Variants in GAB1 observed in about 807,000 individuals in gnomAD.
The protein encoded by GAB1 is GRB2 associated binding protein 1, also known as GRB2-associated-binding protein 1.
GAB1 carries 19 observed loss-of-function variants against 66.5 expected under a neutral mutation model. The ratio of observed to expected loss-of-function variants is 0.29; its 90% CI spans 0.20 to 0.42. The LOEUF (loss-of-function observed/expected upper bound fraction) is 0.42, where lower values mean the gene tolerates loss of function less well. GAB1 is among the 10% of genes least tolerant of loss of function. GAB1 has a pLI of 1.00. For missense variants in GAB1, 732 were observed against 858.5 expected (o/e 0.85, Z 1.84); for synonymous variants, 294 against 301.4 (o/e 0.98, Z 0.25).
intron 6 of GAB1, among the ~76,000 whole-genome samples, chr4:143,445,313 G>GTA (rs758718284): frequency 6.2e-4 from 95 of 152,210 alleles, no homozygotes; most frequent in Admixed American, 1.3e-3. Context: ...ATATCTCATT[G>GTA]TAGTTTTGAT....
chr4:143,458,172 TA>T, intron 6 of GAB1, among the ~76,000 whole-genome samples: 1 of 152,168 alleles, frequency 6.6e-6, no homozygotes, highest in South Asian at 2.1e-4. Context: ...AACTGACAGC[TA>T]AACTGCTATT....
chr4:143,456,081 AATC>A (rs1735169613), intron 6 of GAB1, among the ~76,000 whole-genome samples: 1 of 152,202 alleles, frequency 6.6e-6, no homozygotes, highest in African/African-American at 2.4e-5. Flanking sequence ...ACTCCAAAAT[AATC>A]ATATTATTTT....
chr4:143,464,901 A>G (rs546097283), intron 8 of GAB1, among the ~76,000 whole-genome samples: 2 of 152,380 alleles, frequency 1.3e-5, no homozygotes, highest in Non-Finnish European at 2.9e-5. Flanking sequence ...CAATATAAAA[A>G]GAATCAACAG....
intron 1 of GAB1, among the ~76,000 whole-genome samples, chr4:143,407,057 A>G (rs1193649803): frequency 2.0e-5 from 3 of 152,176 alleles, no homozygotes; most frequent in South Asian, 2.1e-4. Context: ...CTGTAGTAAG[A>G]TGTATTAAAG....
intron 1 of GAB1, among the ~76,000 whole-genome samples, chr4:143,370,002 C>G (rs1183224646): frequency 2.0e-5 from 3 of 152,240 alleles, no homozygotes; most frequent in African/African-American, 7.2e-5. Context: ...TGTGCTCCCT[C>G]TTTGTCCTTG....
At chr4:143,394,795 T>C (rs1404119455) in intron 1 of GAB1, 1 of 152,192 alleles carries the variant, frequency 6.6e-6, no homozygotes, top group Non-Finnish European at 1.5e-5. Flanking sequence ...TCATTCTCTC[T>C]TTTTCCTTCT....
intron 1 of GAB1, among the ~76,000 whole-genome samples, chr4:143,348,144 T>C (rs1205638691): frequency 2.0e-5 from 3 of 151,884 alleles, no homozygotes; most frequent in Non-Finnish European, 4.4e-5. Context: ...ATAAGAACTC[T>C]TACTAACTTA....
intron 1 of GAB1, among the ~76,000 whole-genome samples, chr4:143,348,977 C>A (rs569129476): frequency 6.6e-6 from 1 of 152,336 alleles, no homozygotes; most frequent in African/African-American, 2.4e-5. Flanking sequence ...CCACCACTGC[C>A]ACATGTACAC....
At chr4:143,402,685 C>G (rs1731840414) in intron 1 of GAB1, among the ~76,000 whole-genome samples, 1 of 152,166 alleles carries the variant, frequency 6.6e-6, no homozygotes, top group Middle Eastern at 3.2e-3. Context: ...TTCCTGTTCA[C>G]CTTTCCCTGT....
In GAB1 at chr4:143,471,707, A is replaced by G. The variant is rs1156468550; in HGVS notation, c.*2518A>G. ...TAAGCAAAAATAATAGGTTTTAAAC[A>G]TACATCTCAGGAAATTCTTTAATTA... On this transcript the variant is annotated 3_prime_UTR_variant, in exon 10 of 10. Transcript: ENST00000262994. The G allele has an allele frequency of 6.6e-6, 1 of 152,232 alleles. No individual in the cohort carries two copies. The highest frequency in any genetic ancestry group is 1.5e-5 in the Non-Finnish European group (1 of 68,034). The allele number at this position is 152,232 out of a possible 1,614,324, so 9.4% of individuals were successfully genotyped here.
chr4:143,361,872 A>T (rs142219441), intron 1 of GAB1, among the ~76,000 whole-genome samples: 203 of 152,136 alleles, frequency 1.3e-3, no homozygotes, highest in African/African-American at 4.8e-3. Context: ...GTGGTTGAAA[A>T]AGCAGTTACT....
At chr4:143,448,408 A>C (rs1734691380) in intron 6 of GAB1, among the ~76,000 whole-genome samples, 1 of 151,830 alleles carries the variant, frequency 6.6e-6, no homozygotes, top group Non-Finnish European at 1.5e-5. Flanking sequence ...TCAGCTGTGA[A>C]TCCATCTGGT....
Position 143,434,235 on chromosome 4 carries a change from C to T in GAB1, c.593+519C>T, listed in dbSNP as rs115212164. 710 of 676,352 alleles carry T rather than the reference C, an allele frequency of 1.0e-3. 1 individual carries two copies. Among genetic ancestry groups the T allele is most frequent in the South Asian group, 2.1e-3 (115 of 55,850 alleles). The allele number at this position is 676,352 out of a possible 1,614,324, so 41.9% of individuals were successfully genotyped here. A position where few individuals can be genotyped will look rare whatever the true frequency, so the allele number is the denominator to read the frequency against. On this transcript the variant is annotated intron_variant, in intron 3 of 9. Transcript: ENST00000262994. ...ATCATAAGGTAAAATCCCAATATAG[C>T]AAATTCCATGGAATATACAAATTGG...
chr4:143,449,412 T>C lies in GAB1; in HGVS notation c.1585+9030T>C, dbSNP rs546814966. 2.8e-3 allele frequency among the ~76,000 whole-genome samples: 427 copies of C among 151,972 alleles called. 3 individuals are homozygous for C. In the Middle Eastern group the frequency reaches 0.031, roughly 11 times the overall value. ...GAGTGTTAAAGTCTCCCATTATTAT[T>C]GTGTGGGAGTCTAAGTCTCTTTGTA... On this transcript the variant is annotated intron_variant, in intron 6 of 9. Transcript: ENST00000262994.
chr4:143,371,244 A>T (rs1422493189), intron 1 of GAB1, among the ~76,000 whole-genome samples: 1 of 152,046 alleles, frequency 6.6e-6, no homozygotes, highest in East Asian at 1.9e-4. Flanking sequence ...CGCCATTCTA[A>T]CTGGTGTGAG....
chr4:143,449,610 A>G (rs1734789249), intron 6 of GAB1, among the ~76,000 whole-genome samples: 1 of 152,168 alleles, frequency 6.6e-6, no homozygotes, highest in Non-Finnish European at 1.5e-5. Context: ...CTAGGATTGC[A>G]ACCCCTGCCT....
At chr4:143,340,981 C>T (rs914524114) in intron 1 of GAB1, among the ~76,000 whole-genome samples, 5 of 152,114 alleles carry the variant, frequency 3.3e-5, no homozygotes, top group Non-Finnish European at 7.4e-5. Flanking sequence ...GAATGACACA[C>T]AAAAAAATGA....
chr4:143,405,917 C>T (rs1732019036), intron 1 of GAB1, among the ~76,000 whole-genome samples: 1 of 151,852 alleles, frequency 6.6e-6, no homozygotes, highest in South Asian at 2.1e-4. Context: ...GCCATGATCT[C>T]TCAGTATTTT....
intron 1 of GAB1, among the ~76,000 whole-genome samples, chr4:143,390,306 C>T (rs1731120690): frequency 6.6e-6 from 1 of 151,770 alleles, no homozygotes; most frequent in South Asian, 2.1e-4. Flanking sequence ...TAATTTATAT[C>T]CCTTAATTTT....
Sources: gnomAD v4.1 joint callset for allele counts (sites outside exome capture counted in the v4.1 genomes callset) on GRCh38, gnomAD v4.1.1 for gene constraint, MANE v1.5 for transcripts, NCBI Gene and HGNC (gene_info 2026-07-23, HGNC 2026-07-21) for gene names.